The following TMEM71 variants were observed in gnomAD, a reference collection of about 807,000 sequenced individuals.
TMEM71 encodes transmembrane protein 71.
Under a neutral mutation model 38.0 loss-of-function variants are expected in TMEM71, and 44 were observed. That is an observed-to-expected ratio of 1.16 (90% CI 0.91 to 1.49). The LOEUF (loss-of-function observed/expected upper bound fraction) is 1.49, where lower values mean the gene tolerates loss of function less well. TMEM71 is among the 40% of genes most tolerant of loss of function. The pLI is 0.00. For synonymous variants in TMEM71, 133 were observed against 122.5 expected (o/e 1.09, Z -0.56); for missense variants, 367 against 348.6 (o/e 1.05, Z -0.42).
intron 4 of TMEM71, 23 bp from the exon 5 acceptor site, chr8:132,747,137 T>C (rs1828435862): frequency 6.4e-7 from 1 of 1,557,126 alleles, no homozygotes; most frequent in South Asian, 1.2e-5. Flanking sequence ...GAAAGCATGG[T>C]GAACAACGAA....
chr8:132,714,181 T>A lies in TMEM71; in HGVS notation c.787A>T (p.Thr263Ser). 6.2e-7 allele frequency: 1 copy of A among 1,612,818 alleles called. No homozygotes were observed. The highest frequency in any genetic ancestry group is 8.5e-7 in the Non-Finnish European group (1 of 1,179,672). ...GCTACAGTTATCATCAATGAGCATG[T>A]GAAGACACTGGCTAATATTTCTCCC... ...FMGEILASVF[T>S]CSLMITVAYV... The change falls in exon 8 of 10, where the codon ACA (threonine) becomes TCA (serine). Residue 263 changes from threonine to serine, a missense_variant. Physicochemically the swap from Thr to Ser is moderately conservative, Grantham distance 58 (BLOSUM62 1). Coordinates refer to ENST00000677595, the MANE Select transcript of TMEM71 (RefSeq NM_001382403.1).
chr8:132,722,145 A>G (rs758410501), intron 6 of TMEM71, 30 bp from the exon 7 acceptor site: 1 of 1,529,316 alleles, frequency 6.5e-7, no homozygotes, highest in Non-Finnish European at 9.1e-7. Context: ...CAAATAAATT[A>G]GAAATCATTG....
At chr8:132,740,491 C>T (rs556741491) in intron 5 of TMEM71, among the ~76,000 whole-genome samples, 55 of 152,372 alleles carry the variant, frequency 3.6e-4, no homozygotes, top group African/African-American at 1.3e-3. Flanking sequence ...AAGAGCAAGT[C>T]ATTTTGTCCA....
intron 2 of TMEM71, among the ~76,000 whole-genome samples, chr8:132,757,549 G>A (rs1829093650): frequency 1.3e-5 from 2 of 151,978 alleles, no homozygotes; most frequent in East Asian, 1.9e-4. Flanking sequence ...TAGAAGTTCC[G>A]GGCGCAGTGT....
intron 3 of TMEM71, among the ~76,000 whole-genome samples, chr8:132,755,556 G>A (rs1828956758): frequency 6.6e-6 from 1 of 152,080 alleles, no homozygotes; most frequent in South Asian, 2.1e-4. Flanking sequence ...ATGCCTCCTA[G>A]GATAGGACAA....
chr8:132,750,473 C>G (rs1490312363), intron 4 of TMEM71, among the ~76,000 whole-genome samples: 1 of 152,118 alleles, frequency 6.6e-6, no homozygotes, highest in Non-Finnish European at 1.5e-5. Flanking sequence ...ATGGAAAGAA[C>G]ATTTTTCTGT....
chr8:132,706,437 AT>A (rs1430816234), downstream of TMEM71, among the ~76,000 whole-genome samples: 1 of 152,146 alleles, frequency 6.6e-6, no homozygotes, highest in African/African-American at 2.4e-5. Flanking sequence ...CAAAAAATAA[AT>A]GGTGGTTAAA....
In TMEM71 at chr8:132,715,675, A is replaced by T. The variant is rs911728252; in HGVS notation, c.753-1460T>A. Among the ~76,000 whole-genome samples the T allele has an allele frequency of 3.9e-5, 6 of 152,286 alleles. No homozygotes were observed. The South Asian group carries it at 8.3e-4, about 21-fold the overall frequency. Reference sequence around the variant, plus strand: ...TTCAAAGTGGTCAAAAACTGGAAGCAACCAAGACACCCTTCAATAGGTGAA... The same window carrying T: ...TTCAAAGTGGTCAAAAACTGGAAGCTACCAAGACACCCTTCAATAGGTGAA... On this transcript the variant is annotated intron_variant, in intron 7 of 9. Coordinates refer to ENST00000677595, the MANE Select transcript of TMEM71 (RefSeq NM_001382403.1).
chr8:132,759,786 C>T lies in TMEM71; in HGVS notation c.-37+690G>A, dbSNP rs1829231793. 2.0e-5 allele frequency among the ~76,000 whole-genome samples: 3 copies of T among 152,148 alleles called. No homozygotes were observed. In the South Asian group the frequency reaches 6.2e-4, roughly 31 times the overall value. ...AATCAATCAAACCAGGCTAATTCTACAGCTTCAAGTTGAATATTTCAATAA... is the reference window on the plus strand; with the variant it reads ...AATCAATCAAACCAGGCTAATTCTATAGCTTCAAGTTGAATATTTCAATAA... On this transcript the variant is annotated intron_variant, in intron 1 of 9. Transcript: ENST00000677595.
chr8:132,762,219 C>T (rs531457133), upstream of TMEM71, among the ~76,000 whole-genome samples: 1 of 152,358 alleles, frequency 6.6e-6, no homozygotes, highest in South Asian at 2.1e-4. Flanking sequence ...TTACTCAAGG[C>T]TACTCCTGGT....
At chr8:132,759,270 C>T (rs1020278308) in intron 1 of TMEM71, 1 of 164,956 alleles carries the variant, frequency 6.1e-6, no homozygotes, top group Non-Finnish European at 1.3e-5. Flanking sequence ...CTGGTTCTAA[C>T]AGTCATTTAG....
At chr8:132,712,319 T>C (rs1826278948) in intron 9 of TMEM71, among the ~76,000 whole-genome samples, 1 of 152,196 alleles carries the variant, frequency 6.6e-6, no homozygotes, top group Non-Finnish European at 1.5e-5. Flanking sequence ...AAGATAAAAG[T>C]GTTTGTTCAG....
rs75858208 is a variant in TMEM71, at chr8:132,726,030, G to A, written c.676+1768C>T. On this transcript the variant is annotated intron_variant, in intron 6 of 9. Transcript: ENST00000677595. ...AAGCATCATCTCTGTGCCTATGTGG[G>A]CATTTTGGAATTCACAGATGACAAT... Among the ~76,000 whole-genome samples, 848 of 152,262 alleles carry A rather than the reference G, an allele frequency of 5.6e-3. 8 individuals carry two copies. Among genetic ancestry groups the A allele is most frequent in the African/African-American group, 0.019 (790 of 41,556 alleles).
intron 6 of TMEM71, among the ~76,000 whole-genome samples, chr8:132,722,352 G>C (rs1365518411): frequency 6.6e-6 from 1 of 151,994 alleles, no homozygotes; most frequent in Non-Finnish European, 1.5e-5. Flanking sequence ...TAAAATAAAA[G>C]ACTATGCTAT....
the TMEM71 span, among the ~76,000 whole-genome samples, chr8:132,771,983 T>G: frequency 6.6e-6 from 1 of 152,212 alleles, no homozygotes; most frequent in Non-Finnish European, 1.5e-5. Flanking sequence ...TTTATGCACA[T>G]GGAATGAAGA....
chr8:132,725,984 T>C (rs1469048503), intron 6 of TMEM71, among the ~76,000 whole-genome samples: 1 of 152,216 alleles, frequency 6.6e-6, no homozygotes, highest in Non-Finnish European at 1.5e-5. Context: ...AGCACACTTA[T>C]TAATTGGTCC....
downstream of TMEM71, among the ~76,000 whole-genome samples, chr8:132,705,965 G>A (rs1050366385): frequency 1.3e-5 from 2 of 152,092 alleles, no homozygotes; most frequent in Non-Finnish European, 2.9e-5. Context: ...TGGAGGTGGG[G>A]ACTTTGGAAA....
chr8:132,709,028 C>T (rs964031056), downstream of TMEM71, among the ~76,000 whole-genome samples: 10 of 152,064 alleles, frequency 6.6e-5, no homozygotes, highest in African/African-American at 7.2e-5. Flanking sequence ...CTTATACAGC[C>T]GGGGAGAAAA....
At chr8:132,717,392 A>G (rs1269222732) in intron 7 of TMEM71, among the ~76,000 whole-genome samples, 1 of 152,258 alleles carries the variant, frequency 6.6e-6, no homozygotes, top group Non-Finnish European at 1.5e-5. Context: ...ACTTAACAAC[A>G]AAAAGCAAAC....
Sources: allele counts gnomAD v4.1 joint callset (sites outside exome capture counted in the v4.1 genomes callset), GRCh38; gene constraint gnomAD v4.1.1; transcripts MANE v1.5; gene names NCBI Gene and HGNC (gene_info 2026-07-23, HGNC 2026-07-21).